NLK: variants seen among roughly 807,000 people sequenced by gnomAD.
NLK encodes serine/threonine-protein kinase NLK.
Under a neutral mutation model 59.0 loss-of-function variants are expected in NLK, and 11 were observed. The observed-to-expected ratio is 0.19, with a 90% CI of 0.12 to 0.31. The LOEUF (loss-of-function observed/expected upper bound fraction) is 0.31. NLK is among the 10% of genes least tolerant of loss of function. The pLI, the probability that NLK is intolerant of heterozygous loss-of-function variation, is 1.00. For synonymous variants in NLK, 235 were observed against 235.9 expected (o/e 1.00, Z 0.03); for missense variants, 410 against 661.1 (o/e 0.62, Z 4.16).
intron 1 of NLK, among the ~76,000 whole-genome samples, chr17:28,117,159 A>G (rs993294155): frequency 2.0e-5 from 3 of 152,182 alleles, no homozygotes; most frequent in African/African-American, 7.2e-5. Context: ...TCGTAGACAT[A>G]TTTAACAGTG....
rs1909436994 is a variant in NLK at position 28,195,014 on chromosome 17, C to T, written c.*378C>T. 6.2e-6 allele frequency: 1 copy of T among 162,350 alleles called. No homozygotes were observed. 10.1% of individuals were successfully genotyped at this position (162,350 alleles called of 1,614,324 possible). A position where few individuals can be genotyped will look rare whatever the true frequency, so the allele number is the denominator to read the frequency against. ...ACACACACACACACACACACACACA[C>T]AAACACAAAGGACAGTCATACATTT... On this transcript the variant is annotated 3_prime_UTR_variant, in exon 11 of 11. Coordinates refer to ENST00000407008, the MANE Select transcript of NLK (RefSeq NM_016231.5).
At chr17:28,051,131 G>A (rs984693880) in intron 1 of NLK, among the ~76,000 whole-genome samples, 8 of 151,528 alleles carry the variant, frequency 5.3e-5, no homozygotes, top group African/African-American at 1.5e-4. Flanking sequence ...AGGCCAAAAG[G>A]CCATTGTATT....
At chr17:28,082,577 T>C (rs1910385383) in intron 1 of NLK, among the ~76,000 whole-genome samples, 2 of 152,180 alleles carry the variant, frequency 1.3e-5, no homozygotes, top group South Asian at 4.1e-4. Context: ...TAGGTGGGGT[T>C]AAAAGGGAAG....
intron 2 of NLK, among the ~76,000 whole-genome samples, chr17:28,126,534 G>T (rs1219602106): frequency 6.6e-6 from 1 of 152,190 alleles, no homozygotes; most frequent in African/African-American, 2.4e-5. Context: ...AAAGATCTTG[G>T]TCATTGTAGG....
chr17:28,110,141 C>T (rs989282048), intron 1 of NLK, among the ~76,000 whole-genome samples: 13 of 151,884 alleles, frequency 8.6e-5, no homozygotes, highest in African/African-American at 2.2e-4. Flanking sequence ...AAATTTATTC[C>T]GTAAGTATTT....
chr17:28,111,613 C>T (rs1313393011), intron 1 of NLK, among the ~76,000 whole-genome samples: 1 of 152,162 alleles, frequency 6.6e-6, no homozygotes, highest in African/African-American at 2.4e-5. Flanking sequence ...TGATTTTCCT[C>T]ACCTCTGACG....
chr17:28,123,843 T>G (rs1906178274), intron 2 of NLK, among the ~76,000 whole-genome samples: 2 of 152,304 alleles, frequency 1.3e-5, no homozygotes, highest in East Asian at 1.9e-4. Context: ...TTAGAATATG[T>G]TTTCATTTTC....
At chr17:28,074,114 A>T (rs1289311602) in intron 1 of NLK, among the ~76,000 whole-genome samples, 2 of 152,236 alleles carry the variant, frequency 1.3e-5, no homozygotes, top group South Asian at 2.1e-4. Context: ...GGCTAGTCCT[A>T]TTTAAGGATG....
intron 1 of NLK, among the ~76,000 whole-genome samples, chr17:28,081,843 G>C (rs896749660): frequency 3.3e-5 from 5 of 152,180 alleles, no homozygotes; most frequent in Admixed American, 2.6e-4. Context: ...ACACTTGTCA[G>C]TTGCCCAAAG....
chr17:28,071,656 C>G (rs866944690), intron 1 of NLK, among the ~76,000 whole-genome samples: 1 of 152,138 alleles, frequency 6.6e-6, no homozygotes, highest in South Asian at 2.1e-4. Context: ...CACTCCTGTC[C>G]TGCCTTCAAC....
chr17:28,134,437 A>T (rs748122324), intron 3 of NLK, among the ~76,000 whole-genome samples: 1 of 152,230 alleles, frequency 6.6e-6, no homozygotes, highest in African/African-American at 2.4e-5. Flanking sequence ...AAAAAGCAAT[A>T]TAATGACTAC....
intron 1 of NLK, among the ~76,000 whole-genome samples, chr17:28,084,033 G>C (rs1269427993): frequency 6.6e-6 from 1 of 152,186 alleles, no homozygotes; most frequent in Non-Finnish European, 1.5e-5. Flanking sequence ...GGGCTGTGTG[G>C]AAGACCCATT....
At chr17:28,183,619 G>A (rs925174541) in intron 7 of NLK, among the ~76,000 whole-genome samples, 11 of 152,004 alleles carry the variant, frequency 7.2e-5, no homozygotes, top group African/African-American at 1.5e-4. Context: ...GTAAGCCACC[G>A]CACCCAGCCT....
intron 6 of NLK, among the ~76,000 whole-genome samples, chr17:28,169,838 C>T (rs1162787253): frequency 6.6e-6 from 1 of 150,390 alleles, no homozygotes. Flanking sequence ...TTTGCAATTA[C>T]GATGGTGGTA....
downstream of NLK, among the ~76,000 whole-genome samples, chr17:28,199,665 CA>C (rs1303411168): frequency 0.018 from 612 of 33,560 alleles, no homozygotes; most frequent in African/African-American, 0.063. Context: ...GACTCTGTCT[CA>C]AAAAAAAAAA....
At chr17:28,142,025 C>T (rs1044318061) in intron 3 of NLK, among the ~76,000 whole-genome samples, 5 of 152,182 alleles carry the variant, frequency 3.3e-5, no homozygotes, top group African/African-American at 1.2e-4. Flanking sequence ...CAGAGCTTGC[C>T]TTGCCTTCTC....
chr17:28,098,449 G>A (rs1413975707), intron 1 of NLK, among the ~76,000 whole-genome samples: 2 of 152,028 alleles, frequency 1.3e-5, no homozygotes, highest in East Asian at 1.9e-4. Context: ...ACTCTTCCAA[G>A]TAGAAAGTAA....
chr17:28,204,068 GA>G, the NLK span, among the ~76,000 whole-genome samples: 3 of 152,336 alleles, frequency 2.0e-5, no homozygotes, highest in South Asian at 6.2e-4. Context: ...AGACAGGGTG[GA>G]GGGTGCTTAC....
intron 1 of NLK, among the ~76,000 whole-genome samples, chr17:28,103,068 C>T (rs1244994622): frequency 1.3e-5 from 2 of 152,038 alleles, no homozygotes; most frequent in Non-Finnish European, 2.9e-5. Context: ...TATATATTTC[C>T]TTTCATTCTT....
Sources: gnomAD v4.1 joint callset for allele counts (sites outside exome capture counted in the v4.1 genomes callset) on GRCh38, gnomAD v4.1.1 for gene constraint, MANE v1.5 for transcripts, NCBI Gene and HGNC (gene_info 2026-07-23, HGNC 2026-07-21) for gene names.